The following LIFR variants were observed in gnomAD, a reference collection of about 807,000 sequenced individuals.
LIFR encodes LIF receptor subunit alpha.
In LIFR, 84 loss-of-function variants were observed where a neutral mutation model predicts 122.2. That is an observed-to-expected ratio of 0.69 (90% confidence interval 0.58 to 0.82). LIFR has a LOEUF of 0.82. Among genes scored for constraint, LIFR ranks in the 40% least tolerant of loss-of-function variants. The probability of loss-of-function intolerance (pLI) is 0.00; values close to 1 mark genes in which losing one functional copy is unlikely to be tolerated. For synonymous variants in LIFR, 422 were observed against 434.7 expected (o/e 0.97, Z 0.36); for missense variants, 1,294 against 1,311.6 (o/e 0.99, Z 0.21).
chr5:38,572,519 T>C (rs1187190936), intron 1 of LIFR, among the ~76,000 whole-genome samples: 1 of 152,176 alleles, frequency 6.6e-6, no homozygotes, highest in Non-Finnish European at 1.5e-5. Context: ...AAACTATTGA[T>C]TTGAAAATCC....
chr5:38,546,524 A>G (rs188425845), intron 1 of LIFR, among the ~76,000 whole-genome samples: 235 of 152,372 alleles, frequency 1.5e-3, no homozygotes, highest in African/African-American at 5.3e-3. Flanking sequence ...CTCACAGGAT[A>G]ACAATCAACT....
chr5:38,536,976 C>G (rs1366491294), intron 1 of LIFR, among the ~76,000 whole-genome samples: 1 of 151,380 alleles, frequency 6.6e-6, no homozygotes, highest in Admixed American at 6.6e-5. Context: ...TTTCTTAATT[C>G]CTTTGCATTT....
rs753405023 is a variant in LIFR at position 38,482,028 on chromosome 5, A to G, written c.2861T>C (p.Ile954Thr). 5.6e-6 allele frequency: 9 copies of G among 1,614,080 alleles called. No individual in the cohort carries two copies. Among genetic ancestry groups the G allele is most frequent in the African/African-American group, 1.3e-5 (1 of 75,052 alleles). The change falls in exon 20 of 20, where the codon ATT becomes ACT. Residue 954 changes from isoleucine to threonine, a missense_variant. Coordinates refer to ENST00000453190, the MANE Select transcript of LIFR (RefSeq NM_001127671.2). ...GGCTGGGTTTGGTATTTCTTCCTCA[A>G]TGATGGGTGGACAATAGGACACAAC... ...HVVVSYCPPI[I>T]EEEIPNPAAD...
upstream of LIFR, chr5:38,557,291 G>A (rs1307179925): frequency 1.3e-5 from 2 of 152,254 alleles, no homozygotes; most frequent in Admixed American, 6.5e-5. Context: ...GTGCGGAGAA[G>A]AAACGGATCT....
chr5:38,595,866 G>C (rs1028621440), upstream of LIFR, among the ~76,000 whole-genome samples: 5 of 46,906 alleles, frequency 1.1e-4, no homozygotes, highest in African/African-American at 4.9e-4. Context: ...CCGAGTAGCT[G>C]GGACTACAAG....
At chr5:38,496,256 T>G in intron 13 of LIFR, 126 bp downstream of exon 13, 1 of 781,754 alleles carries the variant, frequency 1.3e-6, no homozygotes, top group East Asian at 2.5e-5. Flanking sequence ...CTGCTCATTC[T>G]GCCTTCTAGG....
rs551397104 is a variant in LIFR at position 38,553,585 on chromosome 5, A to C, written c.-20+2749T>G. On this transcript the variant is annotated intron_variant, in intron 1 of 19. Coordinates refer to ENST00000453190, the MANE Select transcript of LIFR (RefSeq NM_001127671.2). ...ACAGTACCAAATAAAAGGCAAGAGA[A>C]TGCCTTAAATTCTAAGAGGAGTTTG... 2.3e-5 allele frequency among the ~76,000 whole-genome samples: 3 copies of C among 129,246 alleles called. No homozygotes were observed. In the South Asian group the frequency reaches 8.2e-4, roughly 36 times the overall value. 84.8% of individuals were successfully genotyped at this position (129,246 alleles called of 152,430 possible).
chr5:38,511,276 A>G (rs1191414106), intron 6 of LIFR, among the ~76,000 whole-genome samples: 1 of 152,106 alleles, frequency 6.6e-6, no homozygotes, highest in African/African-American at 2.4e-5. Context: ...TACAATGACT[A>G]CCAGCCTTTC....
chr5:38,507,019 T>C (rs1314498825), intron 7 of LIFR, among the ~76,000 whole-genome samples: 5 of 152,184 alleles, frequency 3.3e-5, no homozygotes, highest in African/African-American at 1.2e-4. Flanking sequence ...ATCAATATAC[T>C]GTGATTCGAA....
At chr5:38,508,476 A>T (rs1745613909) in intron 7 of LIFR, among the ~76,000 whole-genome samples, 1 of 152,222 alleles carries the variant, frequency 6.6e-6, no homozygotes, top group Non-Finnish European at 1.5e-5. Flanking sequence ...CCACGGATTT[A>T]ATGTAATCCC....
intron 1 of LIFR, among the ~76,000 whole-genome samples, chr5:38,538,623 T>C (rs1446907388): frequency 3.3e-5 from 5 of 152,260 alleles, no homozygotes; most frequent in African/African-American, 2.4e-5. Flanking sequence ...CCCACCTGAC[T>C]TGCCACTTTT....
chr5:38,478,764 A>G lies in LIFR; in HGVS notation c.*2831T>C. The G allele has an allele frequency of 4.6e-6, 1 of 218,000 alleles. No individual in the cohort carries two copies. The highest frequency in any genetic ancestry group is 6.8e-5 in the East Asian group (1 of 14,772). The allele number at this position is 218,000 out of a possible 1,614,324, so 13.5% of individuals were successfully genotyped here. A position where few individuals can be genotyped will look rare whatever the true frequency, so the allele number is the denominator to read the frequency against. ...GGTAAAAATGTGTCTTACATGAATT[A>G]CTATCCCACAGATATGATGGAACAT... On this transcript the variant is annotated 3_prime_UTR_variant, in exon 20 of 20. Coordinates refer to ENST00000453190, the MANE Select transcript of LIFR (RefSeq NM_001127671.2).
intron 7 of LIFR, among the ~76,000 whole-genome samples, chr5:38,507,377 A>G (rs538987071): frequency 5.3e-5 from 8 of 152,094 alleles, no homozygotes; most frequent in Admixed American, 6.6e-5. Context: ...CAGCCTGGCC[A>G]ACATGGTGAA....
At position 38,550,307 on chromosome 5, in the gene LIFR, AC is replaced by A. The variant is rs899642160; in HGVS notation, c.-20+6026del. 44 of 816,862 alleles carry A rather than the reference AC, an allele frequency of 5.4e-5. No homozygotes were observed. In the African/African-American group the frequency reaches 6.3e-4, roughly 12 times the overall value. The allele number at this position is 816,862 out of a possible 1,614,324, so 50.6% of individuals were successfully genotyped here. On this transcript the variant is annotated intron_variant, in intron 1 of 19. Transcript: ENST00000453190. ...TTGATAAAGCACAACTGAAAAAAAAACAGGGAAAAATTCAAACAATAAATGC... is the reference window on the plus strand; with the variant it reads ...TTGATAAAGCACAACTGAAAAAAAAAAGGGAAAAATTCAAACAATAAATGC...
At chr5:38,521,434 C>T (rs1746392492) in intron 5 of LIFR, among the ~76,000 whole-genome samples, 1 of 152,186 alleles carries the variant, frequency 6.6e-6, no homozygotes, top group Non-Finnish European at 1.5e-5. Context: ...CCCGACTGCT[C>T]TGGCTAGGAC....
At chr5:38,604,290 A>G (rs572848378) in intron 2 of LIFR, among the ~76,000 whole-genome samples, 1 of 152,292 alleles carries the variant, frequency 6.6e-6, no homozygotes, top group Admixed American at 6.5e-5. Context: ...AGAAAGGGGC[A>G]AGGCAGCAGA....
chr5:38,553,278 G>A (rs1748303650), intron 1 of LIFR, among the ~76,000 whole-genome samples: 1 of 152,064 alleles, frequency 6.6e-6, no homozygotes, highest in Non-Finnish European at 1.5e-5. Context: ...ACCCCAGAGA[G>A]GCTTCTCAGG....
chr5:38,496,269 A>G, intron 13 of LIFR, 113 bp downstream of exon 13: 1 of 848,758 alleles, frequency 1.2e-6, no homozygotes, highest in South Asian at 1.4e-5. Context: ...CTTCTAGGTC[A>G]GCAGCAACAA....
chr5:38,486,568 A>G (rs1404123369), intron 16 of LIFR, among the ~76,000 whole-genome samples: 1 of 152,222 alleles, frequency 6.6e-6, no homozygotes, highest in Non-Finnish European at 1.5e-5. Flanking sequence ...ATAATGCAGG[A>G]TAACAGGTTA....
Sources: allele counts gnomAD v4.1 joint callset (sites outside exome capture counted in the v4.1 genomes callset), GRCh38; gene constraint gnomAD v4.1.1; transcripts MANE v1.5; gene names NCBI Gene and HGNC (gene_info 2026-07-23, HGNC 2026-07-21).